The following SLC17A6 variants were observed in gnomAD, a reference collection of about 807,000 sequenced individuals.
The protein encoded by SLC17A6 is vesicular glutamate transporter 2.
Under a neutral mutation model 67.1 loss-of-function variants are expected in SLC17A6, and 35 were observed. The ratio of observed to expected loss-of-function variants is 0.52; its 90% CI spans 0.40 to 0.69. The LOEUF (loss-of-function observed/expected upper bound fraction) is 0.69. Ranked by LOEUF, SLC17A6 falls within the 30% of genes least tolerant of loss-of-function variation. SLC17A6 has a pLI of 0.00. For synonymous variants in SLC17A6, 285 were observed against 252.3 expected (o/e 1.13, Z -1.23); for missense variants, 588 against 723.9 (o/e 0.81, Z 2.15).
chr11:22,374,613 A>G, intron 8 of SLC17A6, 142 bp from the exon 9 acceptor site: 1 of 646,910 alleles, frequency 1.5e-6, no homozygotes. Context: ...TTTTCTAGGA[A>G]TGAGTAAGTG....
intron 3 of SLC17A6, among the ~76,000 whole-genome samples, chr11:22,347,886 C>T (rs950802552): frequency 3.3e-5 from 5 of 152,234 alleles, no homozygotes; most frequent in Admixed American, 1.3e-4. Flanking sequence ...TTTCCCCTAC[C>T]GTAATCCTTT....
At chr11:22,352,849 G>T (rs1394936215) in intron 3 of SLC17A6, among the ~76,000 whole-genome samples, 1 of 152,142 alleles carries the variant, frequency 6.6e-6, no homozygotes, top group African/African-American at 2.4e-5. Context: ...TTCTTTTCTG[G>T]TCATTTCCCA....
intron 7 of SLC17A6, among the ~76,000 whole-genome samples, chr11:22,369,509 A>G (rs1182940198): frequency 1.3e-5 from 2 of 152,022 alleles, no homozygotes; most frequent in African/African-American, 4.8e-5. Context: ...TGATTGATTG[A>G]TAGTAGAATA....
chr11:22,373,738 A>G (rs1238909314), intron 8 of SLC17A6, among the ~76,000 whole-genome samples: 19 of 152,162 alleles, frequency 1.2e-4, no homozygotes. Flanking sequence ...AAAATCATCC[A>G]TCTGGGATGG....
chr11:22,338,851 G>GTA (rs1491064379), intron 1 of SLC17A6, among the ~76,000 whole-genome samples: 8 of 143,370 alleles, frequency 5.6e-5, no homozygotes, highest in African/African-American at 2.1e-4. Flanking sequence ...GTGTGTGTGT[G>GTA]TTTGATTTTT....
chr11:22,347,080 T>C (rs1855885695), intron 3 of SLC17A6, among the ~76,000 whole-genome samples: 1 of 152,020 alleles, frequency 6.6e-6, no homozygotes, highest in Admixed American at 6.6e-5. Flanking sequence ...TATCACCACC[T>C]GTCATATCAA....
At chr11:22,358,688 G>T (rs975777744) in intron 3 of SLC17A6, among the ~76,000 whole-genome samples, 2 of 152,062 alleles carry the variant, frequency 1.3e-5, no homozygotes, top group African/African-American at 4.8e-5. Context: ...CTTGTAGATG[G>T]ATAAAAGCTT....
chr11:22,349,482 A>T (rs937997258), intron 3 of SLC17A6, among the ~76,000 whole-genome samples: 4 of 152,204 alleles, frequency 2.6e-5, no homozygotes, highest in African/African-American at 9.6e-5. Context: ...AAGGGCTTGC[A>T]TGTACTTTGC....
chr11:22,338,549 C>T lies in SLC17A6; in HGVS notation c.16C>T (p.Gln6Ter). 6.2e-7 allele frequency: 1 copy of T among 1,613,092 alleles called. No homozygotes were observed. The change falls in exon 1 of 12, where the codon CAA becomes TAA. Residue 6 changes from glutamine (Q) to a stop codon, truncating the protein, a stop_gained. Coordinates refer to ENST00000263160, the MANE Select transcript of SLC17A6 (RefSeq NM_020346.3). LOFTEE classifies it high-confidence loss of function. The part of the protein sequence containing the change: MESVK[Q>*]RILAPGKEGL... ...CTTTGCAAGAATGGAATCCGTAAAA[C>T]AAAGGATTTTGGCCCCAGGAAAAGA...
At chr11:22,360,033 GT>G (rs1397021040) in intron 4 of SLC17A6, among the ~76,000 whole-genome samples, 1 of 151,568 alleles carries the variant, frequency 6.6e-6, no homozygotes, top group Non-Finnish European at 1.5e-5. Context: ...AAAAACTCGA[GT>G]TCGGCTTACC....
chr11:22,377,793 T>C lies in SLC17A6; in HGVS notation c.*53T>C. ...GTGTTTGTGATTAAATTCATTGTGA[T>C]TGCACAAAAATTTTAAAAACACGTG... On this transcript the variant is annotated 3_prime_UTR_variant, in exon 12 of 12. Coordinates refer to ENST00000263160, the MANE Select transcript of SLC17A6 (RefSeq NM_020346.3). 7.0e-7 allele frequency: 1 copy of C among 1,424,110 alleles called. No individual in the cohort carries two copies. The highest frequency in any genetic ancestry group is 9.4e-7 in the Non-Finnish European group (1 of 1,064,856). The allele number at this position is 1,424,110 out of a possible 1,614,324, so 88.2% of individuals were successfully genotyped here. A position where few individuals can be genotyped will look rare whatever the true frequency, so the allele number is the denominator to read the frequency against.
intron 4 of SLC17A6, among the ~76,000 whole-genome samples, chr11:22,360,576 T>C (rs1856042255): frequency 7.2e-6 from 1 of 139,722 alleles, no homozygotes; most frequent in South Asian, 2.4e-4. Context: ...AAAAGACTAA[T>C]AATTTTAAAG....
chr11:22,370,243 TAC>T (rs1304494505), intron 8 of SLC17A6, 55 bp downstream of exon 8: 39 of 1,459,886 alleles, frequency 2.7e-5, no homozygotes, highest in Non-Finnish European at 3.1e-5. Flanking sequence ...TTTAAGTGAA[TAC>T]TAAATTCATT....
intron 3 of SLC17A6, among the ~76,000 whole-genome samples, chr11:22,352,329 G>A (rs949173267): frequency 1.3e-5 from 2 of 152,204 alleles, no homozygotes; most frequent in African/African-American, 4.8e-5. Context: ...GCCCATAGCT[G>A]TCAACCTACA....
chr11:22,347,250 A>T (rs1855887925), intron 3 of SLC17A6, among the ~76,000 whole-genome samples: 1 of 152,186 alleles, frequency 6.6e-6, no homozygotes, highest in Non-Finnish European at 1.5e-5. Flanking sequence ...GGATTAAAAA[A>T]AAAAGCAGTA....
chr11:22,361,802 T>C (rs144609247), intron 5 of SLC17A6, among the ~76,000 whole-genome samples: 38 of 152,332 alleles, frequency 2.5e-4, no homozygotes, highest in African/African-American at 8.9e-4. Context: ...CACGTTTTAC[T>C]CTTTCTACCA....
intron 3 of SLC17A6, among the ~76,000 whole-genome samples, chr11:22,354,874 T>C (rs1343540265): frequency 6.6e-6 from 1 of 152,214 alleles, no homozygotes; most frequent in East Asian, 1.9e-4. Context: ...ATATCCACAC[T>C]AACAATTCAA....
At chr11:22,373,593 C>A (rs566432784) in intron 8 of SLC17A6, among the ~76,000 whole-genome samples, 1 of 152,074 alleles carries the variant, frequency 6.6e-6, no homozygotes, top group Non-Finnish European at 1.5e-5. Context: ...ATTTTTCCTT[C>A]TCATGGCAGT....
At chr11:22,365,930 G>A (rs962603451) in intron 7 of SLC17A6, among the ~76,000 whole-genome samples, 2 of 151,972 alleles carry the variant, frequency 1.3e-5, no homozygotes, top group Non-Finnish European at 2.9e-5. Context: ...TGATAACTAT[G>A]ACTGCAAACC....
Sources: gnomAD v4.1 joint callset for allele counts (sites outside exome capture counted in the v4.1 genomes callset) on GRCh38, gnomAD v4.1.1 for gene constraint, MANE v1.5 for transcripts, NCBI Gene and HGNC (gene_info 2026-07-23, HGNC 2026-07-21) for gene names.